ADAM12: variants seen among roughly 807,000 people sequenced by gnomAD.
The protein encoded by ADAM12 is ADAM metallopeptidase domain 12, also known as disintegrin and metalloproteinase domain-containing protein 12.
ADAM12 carries 70 observed loss-of-function variants against 106.4 expected under a neutral mutation model. That is an observed-to-expected ratio of 0.66 (90% CI 0.54 to 0.80). The LOEUF (loss-of-function observed/expected upper bound fraction) is 0.80, where lower values mean the gene tolerates loss of function less well. Ranked by LOEUF, ADAM12 falls within the 30% of genes least tolerant of loss-of-function variation. The pLI is 0.00. For synonymous variants in ADAM12, 420 were observed against 433.5 expected (o/e 0.97, Z 0.39); for missense variants, 1,010 against 1,171.9 (o/e 0.86, Z 2.02).
intron 3 of ADAM12, among the ~76,000 whole-genome samples, chr10:126,214,694 A>C (rs1957956348): frequency 6.6e-6 from 1 of 152,220 alleles, no homozygotes; most frequent in South Asian, 2.1e-4. Flanking sequence ...AAAATGAAGA[A>C]ATTGGGCCAC....
rs574261780 is a variant in ADAM12 at position 126,357,750 on chromosome 10, C to T, written c.89-27241G>A. ...CATCAGATCTGTGAGAACTCACTCA[C>T]TATCACAAGAACAGCAGCATGGGAC... On this transcript the variant is annotated intron_variant, in intron 1 of 22. Coordinates refer to ENST00000448723, the MANE Select transcript of ADAM12 (RefSeq NM_001288973.2). 5.3e-5 allele frequency among the ~76,000 whole-genome samples: 8 copies of T among 152,262 alleles called. No homozygotes were observed. The East Asian group carries it at 1.4e-3, about 26-fold the overall frequency.
chr10:126,144,778 G>A (rs1241975218), intron 4 of ADAM12, among the ~76,000 whole-genome samples: 1 of 152,150 alleles, frequency 6.6e-6, no homozygotes, highest in East Asian at 1.9e-4. Flanking sequence ...TACAGCGTGG[G>A]GAAGAACTGC....
intron 21 of ADAM12, among the ~76,000 whole-genome samples, chr10:126,027,041 G>C (rs749458226): frequency 8.6e-5 from 13 of 152,012 alleles, no homozygotes; most frequent in Admixed American, 6.6e-5. Context: ...GAATCAAATA[G>C]ACACAATCAG....
At chr10:126,374,749 A>C (rs1856220346) in intron 1 of ADAM12, among the ~76,000 whole-genome samples, 2 of 152,240 alleles carry the variant, frequency 1.3e-5, no homozygotes. Context: ...CAAAAGTTCC[A>C]AAGGAAGTGA....
chr10:126,072,111 A>G (rs1184407463), intron 11 of ADAM12, among the ~76,000 whole-genome samples: 2 of 152,306 alleles, frequency 1.3e-5, no homozygotes, highest in East Asian at 3.9e-4. Flanking sequence ...CCAAGGACAC[A>G]TGGTTCCACT....
At chr10:126,198,054 C>T (rs987891870) in intron 3 of ADAM12, among the ~76,000 whole-genome samples, 3 of 152,208 alleles carry the variant, frequency 2.0e-5, no homozygotes, top group Non-Finnish European at 2.9e-5. Context: ...TCCTAAGAAG[C>T]GTGAAGATGC....
intron 2 of ADAM12, among the ~76,000 whole-genome samples, chr10:126,311,242 T>C (rs1961083685): frequency 6.6e-6 from 1 of 152,128 alleles, no homozygotes. Flanking sequence ...CAATGCCACA[T>C]TCCATGCATG....
chr10:126,049,504 C>T lies in ADAM12; in HGVS notation c.1719-53G>A. 1.2e-6 allele frequency: 2 copies of T among 1,613,712 alleles called. No individual in the cohort carries two copies. The highest frequency in any genetic ancestry group is 2.2e-5 in the East Asian group (1 of 44,870). On this transcript the variant is annotated intron_variant, in intron 15 of 22. Transcript: ENST00000448723. This position sits in a 1 kb window ranked among gnomAD's most constrained non-coding sequence, Gnocchi z 4.4. ...AAGGAGAAACCATTTGGAACCAACCCTATGCAATGTGGGAAGGTCAGAGCA... is the reference window on the plus strand; with the variant it reads ...AAGGAGAAACCATTTGGAACCAACCTTATGCAATGTGGGAAGGTCAGAGCA...
chr10:126,210,109 G>A (rs1957872304), intron 3 of ADAM12, among the ~76,000 whole-genome samples: 1 of 152,238 alleles, frequency 6.6e-6, no homozygotes, highest in Non-Finnish European at 1.5e-5. Context: ...TTCCCCAACT[G>A]CCAGGTACAT....
chr10:126,135,706 T>C, intron 4 of ADAM12, 46 bp from the exon 5 acceptor site: 1 of 1,553,260 alleles, frequency 6.4e-7, no homozygotes, highest in Non-Finnish European at 8.9e-7. Flanking sequence ...TAACACATTT[T>C]TGCCCACTTA....
chr10:126,307,449 G>A lies in ADAM12; in HGVS notation c.186+22963C>T, dbSNP rs1295322604. On this transcript the variant is annotated intron_variant, in intron 2 of 22. Coordinates refer to ENST00000448723, the MANE Select transcript of ADAM12 (RefSeq NM_001288973.2). ...ACTCATTGCAACCTCTGCCTCTGGG[G>A]TTCAAGCGATTCTCATGCCTCAGCC... Among the ~76,000 whole-genome samples the A allele has an allele frequency of 5.3e-5, 8 of 152,112 alleles. No individual in the cohort carries two copies. The East Asian group carries it at 1.5e-3, about 29-fold the overall frequency.
At chr10:126,193,060 T>C (rs1215318937) in intron 3 of ADAM12, among the ~76,000 whole-genome samples, 1 of 152,000 alleles carries the variant, frequency 6.6e-6, no homozygotes, top group Non-Finnish European at 1.5e-5. Context: ...GGTCAGGAGA[T>C]CAAGACCATC....
chr10:126,026,651 C>CA (rs1452180663), intron 21 of ADAM12, among the ~76,000 whole-genome samples: 1 of 152,184 alleles, frequency 6.6e-6, no homozygotes, highest in East Asian at 1.9e-4. Context: ...GGAACCTGAA[C>CA]AACCTGCTCC....
chr10:126,354,499 T>G (rs572353781), intron 1 of ADAM12, among the ~76,000 whole-genome samples: 1 of 152,196 alleles, frequency 6.6e-6, no homozygotes, highest in Non-Finnish European at 1.5e-5. Flanking sequence ...ACTGAGTGAG[T>G]TTCTAGGATC....
chr10:126,302,592 T>A (rs1457277124), intron 2 of ADAM12, among the ~76,000 whole-genome samples: 1 of 152,130 alleles, frequency 6.6e-6, no homozygotes, highest in African/African-American at 2.4e-5. Context: ...GGGGAGGACG[T>A]CTGAAGAGCT....
At chr10:126,253,984 C>A (rs761054689) in intron 3 of ADAM12, among the ~76,000 whole-genome samples, 1 of 152,194 alleles carries the variant, frequency 6.6e-6, no homozygotes, top group African/African-American at 2.4e-5. Flanking sequence ...ATGTCTCTGC[C>A]GGCTCACCCA....
At chr10:126,210,459 A>T (rs968557230) in intron 3 of ADAM12, among the ~76,000 whole-genome samples, 2 of 152,194 alleles carry the variant, frequency 1.3e-5, no homozygotes, top group East Asian at 3.9e-4. Context: ...GGCAATGACC[A>T]CACAGCATGT....
chr10:126,020,100 G>C (rs1450522191), intron 21 of ADAM12, among the ~76,000 whole-genome samples: 1 of 152,208 alleles, frequency 6.6e-6, no homozygotes, highest in Non-Finnish European at 1.5e-5. Flanking sequence ...TTCTCTGTCA[G>C]TGTCACCCTG....
intron 3 of ADAM12, among the ~76,000 whole-genome samples, chr10:126,222,169 AG>A (rs1239990841): frequency 5.9e-5 from 9 of 152,190 alleles, no homozygotes; most frequent in Admixed American, 2.0e-4. Context: ...GACTGCTCAT[AG>A]GTGGCTAGCC....
Sources: gnomAD v4.1 joint callset for allele counts (sites outside exome capture counted in the v4.1 genomes callset) on GRCh38, gnomAD v4.1.1 for gene constraint, Gnocchi (gnomAD v3.1) non-coding constraint, MANE v1.5 for transcripts, NCBI Gene and HGNC (gene_info 2026-07-23, HGNC 2026-07-21) for gene names.